The following BMPR1B variants were observed in gnomAD, a reference collection of about 807,000 sequenced individuals.
The protein encoded by BMPR1B is bone morphogenetic protein receptor type 1B, also known as bone morphogenetic protein receptor type-1B.
In BMPR1B, 12 loss-of-function variants were observed where a neutral mutation model predicts 59.1. That is an observed-to-expected ratio of 0.20 (90% confidence interval 0.13 to 0.33). The LOEUF (loss-of-function observed/expected upper bound fraction) is 0.33. Ranked by LOEUF, BMPR1B falls within the 10% of genes least tolerant of loss-of-function variation. The pLI is 1.00. For missense variants in BMPR1B, 550 were observed against 610.9 expected, an observed-to-expected ratio of 0.90 and a Z score of 1.05; for synonymous variants, 237 against 207.3, an observed-to-expected ratio of 1.14 and a Z score of -1.23.
chr4:95,030,757 A>G (rs1724781817), intron 3 of BMPR1B, among the ~76,000 whole-genome samples: 1 of 152,090 alleles, frequency 6.6e-6, no homozygotes, highest in South Asian at 2.1e-4. Flanking sequence ...TAATGAGTGA[A>G]CTCCCATTCA....
In BMPR1B at chr4:95,083,518, G is replaced by C. The variant is rs1195043148; in HGVS notation, c.-17-20890G>C. Among the ~76,000 whole-genome samples the C allele has an allele frequency of 2.0e-5, 3 of 152,090 alleles. No homozygotes were observed. In the East Asian group the frequency reaches 5.8e-4, roughly 29 times the overall value. On this transcript the variant is annotated intron_variant, in intron 3 of 12. Coordinates refer to ENST00000515059, the MANE Select transcript of BMPR1B (RefSeq NM_001203.3). The stretch of plus-strand genomic sequence containing the variant: ...GGTGTGTGTGTGTTAGAGGGGAAAA[G>C]GAGAGAGTTACTACTGTAATAAAAA...
At position 95,155,028 on chromosome 4, in the gene BMPR1B, T is replaced by C; in HGVS notation, c.*355T>C. On this transcript the variant is annotated 3_prime_UTR_variant, in exon 13 of 13. Transcript: ENST00000515059. ...ACAGATAATGTGGATGGTTTAAGGGTTATAGTATTATAGTTTAAATAATAA... is the reference window on the plus strand; with the variant it reads ...ACAGATAATGTGGATGGTTTAAGGGCTATAGTATTATAGTTTAAATAATAA... The C allele has an allele frequency of 4.7e-6, 1 of 211,904 alleles. No individual in the cohort carries two copies. The highest frequency in any genetic ancestry group is 7.8e-5 in the South Asian group (1 of 12,766). The allele number at this position is 211,904 out of a possible 1,614,324, so 13.1% of individuals were successfully genotyped here.
intron 1 of BMPR1B, among the ~76,000 whole-genome samples, chr4:94,760,157 T>G (rs1163682288): frequency 6.6e-6 from 1 of 152,206 alleles, no homozygotes; most frequent in African/African-American, 2.4e-5. Context: ...GTTAAAATCT[T>G]GATTTATGTC....
intron 1 of BMPR1B, among the ~76,000 whole-genome samples, chr4:94,851,918 C>G (rs533036806): frequency 3.3e-5 from 5 of 152,274 alleles, no homozygotes; most frequent in Non-Finnish European, 5.9e-5. Flanking sequence ...TGTACATCTT[C>G]GTACACTCAG....
At chr4:95,043,591 T>G (rs1725829371) in intron 3 of BMPR1B, among the ~76,000 whole-genome samples, 1 of 152,220 alleles carries the variant, frequency 6.6e-6, no homozygotes, top group Non-Finnish European at 1.5e-5. Context: ...TTTTGTGATC[T>G]CTAGGTAAAT....
chr4:95,123,937 T>C (rs1732719431), intron 7 of BMPR1B, 31 bp downstream of exon 7: 1 of 1,484,354 alleles, frequency 6.7e-7, no homozygotes. Flanking sequence ...TGCAAAATTT[T>C]TAATTTATAG....
At chr4:94,861,604 T>C (rs1049209846) in intron 1 of BMPR1B, among the ~76,000 whole-genome samples, 2 of 152,164 alleles carry the variant, frequency 1.3e-5, no homozygotes, top group East Asian at 3.9e-4. Context: ...ACATGGTCCC[T>C]GAACACACAA....
At chr4:94,800,952 G>A (rs1371457901) in intron 1 of BMPR1B, among the ~76,000 whole-genome samples, 1 of 152,180 alleles carries the variant, frequency 6.6e-6, no homozygotes, top group Non-Finnish European at 1.5e-5. Flanking sequence ...AGGAAAAGAA[G>A]AGATGGGTAT....
chr4:94,999,894 G>A (rs768127802), intron 3 of BMPR1B, among the ~76,000 whole-genome samples: 1 of 152,134 alleles, frequency 6.6e-6, no homozygotes, highest in East Asian at 1.9e-4. Context: ...AGAAGAAGTT[G>A]CTCCTCAAAA....
At chr4:94,828,780 G>A (rs1724471579) in intron 1 of BMPR1B, among the ~76,000 whole-genome samples, 1 of 152,056 alleles carries the variant, frequency 6.6e-6, no homozygotes, top group South Asian at 2.1e-4. Flanking sequence ...TGATGGTAGG[G>A]CCTAGATGTC....
intron 3 of BMPR1B, among the ~76,000 whole-genome samples, chr4:95,022,883 C>CA (rs1354703642): frequency 2.8e-4 from 42 of 152,074 alleles, no homozygotes; most frequent in East Asian, 1.2e-3. Flanking sequence ...GAAAAGAGAC[C>CA]AACCCGTTCT....
chr4:94,953,745 G>A lies in BMPR1B; in HGVS notation c.-112-42295G>A, dbSNP rs550040766. ...GACGATTATGTGTCTTGGGGTTGCC[G>A]TTCTCGAGGAGTATCTCTGTGGTGT... On this transcript the variant is annotated intron_variant, in intron 2 of 12. Coordinates refer to ENST00000515059, the MANE Select transcript of BMPR1B (RefSeq NM_001203.3). 1.4e-4 allele frequency among the ~76,000 whole-genome samples: 22 copies of A among 152,000 alleles called. No individual in the cohort carries two copies. The South Asian group carries it at 2.7e-3, about 19-fold the overall frequency.
chr4:94,994,488 A>C (rs549178238), intron 2 of BMPR1B, among the ~76,000 whole-genome samples: 1 of 152,304 alleles, frequency 6.6e-6, no homozygotes, highest in South Asian at 2.1e-4. Context: ...TCTTCTTGCT[A>C]CGTTGTTTTA....
intron 2 of BMPR1B, among the ~76,000 whole-genome samples, chr4:94,960,557 A>G (rs1379476819): frequency 2.6e-5 from 4 of 152,100 alleles, no homozygotes; most frequent in Non-Finnish European, 5.9e-5. Context: ...CAAAAGCTCT[A>G]CTGTTTCTAG....
intron 1 of BMPR1B, among the ~76,000 whole-genome samples, chr4:94,766,109 A>G (rs943995932): frequency 3.3e-5 from 5 of 152,232 alleles, no homozygotes; most frequent in African/African-American, 4.8e-5. Flanking sequence ...CAAGTAAATA[A>G]TGAAATCTGG....
intron 1 of BMPR1B, among the ~76,000 whole-genome samples, chr4:94,867,116 C>T (rs536683333): frequency 1.3e-5 from 2 of 152,226 alleles, no homozygotes; most frequent in South Asian, 2.1e-4. Flanking sequence ...CTGGCTCTTA[C>T]CTGCGTCTTA....
At position 94,908,061 on chromosome 4, in the gene BMPR1B, T is replaced by TAAAAAAAAAA. The variant is rs571793477; in HGVS notation, c.-113+32181_-113+32190dup. On this transcript the variant is annotated intron_variant, in intron 2 of 12. Transcript: ENST00000515059. ...GGGCAATGCAGTGAGACCCTGTCTT[T>TAAAAAAAAAA]AAAAAAAAAAAAAAAAAAAAAAAAA... 7.5e-3 allele frequency among the ~76,000 whole-genome samples: 345 copies of TAAAAAAAAAA among 46,064 alleles called. 7 individuals carry two copies. Among genetic ancestry groups the TAAAAAAAAAA allele is most frequent in the Non-Finnish European group, 0.012 (262 of 22,528 alleles). The allele number at this position is 46,064 out of a possible 152,430, so 30.2% of individuals were successfully genotyped here.
At chr4:95,071,649 T>C (rs1277390254) in intron 3 of BMPR1B, among the ~76,000 whole-genome samples, 4 of 76,150 alleles carry the variant, frequency 5.3e-5, no homozygotes, top group African/African-American at 1.9e-4. Context: ...TGTGTGTGTG[T>C]GTGTATATAT....
intron 3 of BMPR1B, among the ~76,000 whole-genome samples, chr4:95,097,592 C>T (rs1005041799): frequency 7.2e-5 from 11 of 152,160 alleles, no homozygotes; most frequent in South Asian, 2.1e-4. Context: ...GGCTGGAGTG[C>T]AGTGGTGTGA....
Sources: gnomAD v4.1 joint callset for allele counts (sites outside exome capture counted in the v4.1 genomes callset) on GRCh38, gnomAD v4.1.1 for gene constraint, MANE v1.5 for transcripts, NCBI Gene and HGNC (gene_info 2026-07-23, HGNC 2026-07-21) for gene names.